Variants in NEGR1 observed in about 807,000 individuals in gnomAD.
The protein encoded by NEGR1 is IgLON family member 4.
A neutral mutation model predicts 40.9 loss-of-function variants in NEGR1; 10 were observed. That is an observed-to-expected ratio of 0.24 (90% confidence interval 0.15 to 0.42). The LOEUF (loss-of-function observed/expected upper bound fraction) is 0.42. Ranked by LOEUF, NEGR1 falls within the 10% of genes least tolerant of loss-of-function variation. The pLI, the probability that NEGR1 is intolerant of heterozygous loss-of-function variation, is 1.00. For synonymous variants in NEGR1, 185 were observed against 166.8 expected (o/e 1.11, Z -0.84); for missense variants, 352 against 438.9 (o/e 0.80, Z 1.77).
At chr1:71,697,278 G>A (rs1653507963) in intron 4 of NEGR1, among the ~76,000 whole-genome samples, 1 of 151,698 alleles carries the variant, frequency 6.6e-6, no homozygotes, top group South Asian at 2.1e-4. Context: ...GTATTTTATT[G>A]GAAGAAGTTA....
chr1:71,745,311 C>T (rs766746502), intron 3 of NEGR1, among the ~76,000 whole-genome samples: 11 of 152,108 alleles, frequency 7.2e-5, no homozygotes, highest in Non-Finnish European at 1.3e-4. Context: ...TCCAGTGCAA[C>T]GTCTAAAAAT....
chr1:72,197,124 T>C (rs991043740), intron 1 of NEGR1, among the ~76,000 whole-genome samples: 1 of 152,014 alleles, frequency 6.6e-6, no homozygotes, highest in Non-Finnish European at 1.5e-5. Context: ...ATCATGGATT[T>C]TTATGTTCCA....
chr1:71,803,774 A>C (rs897452097), intron 2 of NEGR1, among the ~76,000 whole-genome samples: 2 of 152,168 alleles, frequency 1.3e-5, no homozygotes, highest in African/African-American at 4.8e-5. Flanking sequence ...GTATTACATA[A>C]ATTACTTATA....
intron 1 of NEGR1, among the ~76,000 whole-genome samples, chr1:71,990,918 A>ATATT (rs888701714): frequency 3.8e-5 from 4 of 104,258 alleles, no homozygotes; most frequent in African/African-American, 1.1e-4. Flanking sequence ...ATATATATAT[A>ATATT]TTTTTTTTTT....
intron 1 of NEGR1, among the ~76,000 whole-genome samples, chr1:72,159,495 A>G (rs751472508): frequency 1.3e-5 from 2 of 152,186 alleles, no homozygotes; most frequent in Non-Finnish European, 2.9e-5. Context: ...CTCCAAGTAT[A>G]AAGTATTATA....
At chr1:72,059,554 T>C (rs1382191079) in intron 1 of NEGR1, among the ~76,000 whole-genome samples, 2 of 151,648 alleles carry the variant, frequency 1.3e-5, no homozygotes, top group Non-Finnish European at 3.0e-5. Flanking sequence ...TGATTTTAAC[T>C]AGCTATCCAA....
chr1:72,106,853 G>A (rs898751538), intron 1 of NEGR1, among the ~76,000 whole-genome samples: 2 of 151,782 alleles, frequency 1.3e-5, no homozygotes, highest in Admixed American at 1.3e-4. Flanking sequence ...AAGACAAAAC[G>A]TCATTTAAAT....
intron 2 of NEGR1, among the ~76,000 whole-genome samples, chr1:71,815,678 T>C (rs1250363502): frequency 1.3e-5 from 2 of 152,068 alleles, no homozygotes; most frequent in Non-Finnish European, 2.9e-5. Context: ...CCCAAAGTTC[T>C]TTTTACTATA....
chr1:71,782,434 GCCCCTTTCCA>G (rs1181258231), intron 2 of NEGR1, among the ~76,000 whole-genome samples: 1 of 152,020 alleles, frequency 6.6e-6, no homozygotes, highest in East Asian at 1.9e-4. Context: ...ATAACTCTCT[GCCCCTTTCCA>G]CTCCTATACT....
chr1:71,935,392 T>C, intron 1 of NEGR1, 81 bp from the exon 2 acceptor site: 1 of 955,492 alleles, frequency 1.0e-6, no homozygotes, highest in Non-Finnish European at 1.6e-6. Context: ...TGTTTTTTTC[T>C]TTTGCTGAAT....
At chr1:71,993,563 A>G (rs556258059) in intron 1 of NEGR1, among the ~76,000 whole-genome samples, 2 of 152,352 alleles carry the variant, frequency 1.3e-5, no homozygotes, top group East Asian at 3.9e-4. Flanking sequence ...TAAAATTATT[A>G]TATTATCTCT....
chr1:71,810,768 G>A (rs1469945511), intron 2 of NEGR1, among the ~76,000 whole-genome samples: 3 of 151,988 alleles, frequency 2.0e-5, no homozygotes, highest in African/African-American at 7.3e-5. Flanking sequence ...TCCTGCTCCA[G>A]CCATGGAAAA....
intron 4 of NEGR1, among the ~76,000 whole-genome samples, chr1:71,658,774 C>A (rs577902066): frequency 6.6e-6 from 1 of 152,266 alleles, no homozygotes; most frequent in East Asian, 1.9e-4. Context: ...TGAGGAACTG[C>A]AGACTGCAGT....
At chr1:71,526,037 A>G (rs543975207) in intron 6 of NEGR1, among the ~76,000 whole-genome samples, 4 of 151,696 alleles carry the variant, frequency 2.6e-5, no homozygotes, top group Admixed American at 2.0e-4. Flanking sequence ...TTGAATAGTG[A>G]GAAACAGAGA....
chr1:71,510,789 T>G (rs1647067896), intron 6 of NEGR1, among the ~76,000 whole-genome samples: 1 of 152,170 alleles, frequency 6.6e-6, no homozygotes, highest in African/African-American at 2.4e-5. Context: ...AGACTGCTAT[T>G]AAAAGTCTCA....
rs1052438419 is a variant in NEGR1, at chr1:71,396,399, A to C, written c.*11047T>G. ...TAATGAATGAATGAATGCCACATGA[A>C]CATTTCAGGTTATCTGAGAAACGTT... On this transcript the variant is annotated 3_prime_UTR_variant, in exon 7 of 7. Transcript: ENST00000357731. 1 of 152,238 alleles carries C rather than the reference A, an allele frequency of 6.6e-6. No homozygotes were observed. Among genetic ancestry groups the C allele is most frequent in the Non-Finnish European group, 1.5e-5 (1 of 68,038 alleles). 9.4% of individuals were successfully genotyped at this position (152,238 alleles called of 1,614,324 possible).
rs140656072 is a variant in NEGR1, at chr1:72,089,056, G to A, written c.177-153745C>T. ...TGCTTCTCAAACTTTGATCAATCCCGTAGTAAATCTTCAAAACTGCAAATG... is the reference window on the plus strand; with the variant it reads ...TGCTTCTCAAACTTTGATCAATCCCATAGTAAATCTTCAAAACTGCAAATG... On this transcript the variant is annotated intron_variant, in intron 1 of 6. Coordinates refer to ENST00000357731, the MANE Select transcript of NEGR1 (RefSeq NM_173808.3). Among the ~76,000 whole-genome samples, 7 of 152,212 alleles carry A rather than the reference G, an allele frequency of 4.6e-5. No individual in the cohort carries two copies. The East Asian group carries it at 5.8e-4, about 13-fold the overall frequency.
chr1:71,674,733 C>G (rs72942276), intron 4 of NEGR1, among the ~76,000 whole-genome samples: 11,110 of 151,694 alleles, frequency 0.073, 510 homozygotes, highest in East Asian at 0.13. Flanking sequence ...GAACAATGTT[C>G]TTTCTATCAC....
At chr1:71,488,625 A>C (rs1244747540) in intron 6 of NEGR1, among the ~76,000 whole-genome samples, 1 of 151,684 alleles carries the variant, frequency 6.6e-6, no homozygotes, top group African/African-American at 2.4e-5. Flanking sequence ...TTCTTCATCC[A>C]ATTTTTAGCT....
Sources: allele counts gnomAD v4.1 joint callset (sites outside exome capture counted in the v4.1 genomes callset), GRCh38; gene constraint gnomAD v4.1.1; transcripts MANE v1.5; gene names NCBI Gene and HGNC (gene_info 2026-07-23, HGNC 2026-07-21).